Variants in MPP7 observed in about 807,000 individuals in gnomAD.
MPP7 encodes the protein MAGUK p55 scaffold protein 7.
A neutral mutation model predicts 76.5 loss-of-function variants in MPP7; 60 were observed. That is an observed-to-expected ratio of 0.78 (90% CI 0.64 to 0.97). The LOEUF is 0.97. Among genes scored for constraint, MPP7 ranks in the 50% least tolerant of loss-of-function variants. The probability of loss-of-function intolerance (pLI) is 0.00; values close to 1 mark genes in which losing one functional copy is unlikely to be tolerated. For synonymous variants in MPP7, 237 were observed against 244.5 expected (o/e 0.97, Z 0.29); for missense variants, 641 against 694.0 (o/e 0.92, Z 0.86).
chr10:28,189,920 T>C (rs997939681), intron 3 of MPP7, among the ~76,000 whole-genome samples: 1 of 152,094 alleles, frequency 6.6e-6, no homozygotes, highest in East Asian at 1.9e-4. Flanking sequence ...CTCCCAACTA[T>C]ATGTTGTCTA....
chr10:28,116,381 A>G (rs1834663843), intron 11 of MPP7, among the ~76,000 whole-genome samples: 1 of 152,184 alleles, frequency 6.6e-6, no homozygotes, highest in East Asian at 1.9e-4. Context: ...GACACAAGAA[A>G]TGCAAGCTGC....
chr10:28,195,168 A>T (rs1000396353), intron 3 of MPP7, among the ~76,000 whole-genome samples: 1 of 152,242 alleles, frequency 6.6e-6, no homozygotes, highest in African/African-American at 2.4e-5. Context: ...ACATCTAGAA[A>T]ATGCAAATCA....
At chr10:28,230,154 A>G (rs573868523) in intron 2 of MPP7, among the ~76,000 whole-genome samples, 3 of 152,286 alleles carry the variant, frequency 2.0e-5, no homozygotes, top group African/African-American at 7.2e-5. Flanking sequence ...ACATCAAGAC[A>G]TAGGGGAAAA....
At chr10:28,086,181 T>G (rs56248031) in intron 12 of MPP7, among the ~76,000 whole-genome samples, 15,539 of 152,134 alleles carry the variant, frequency 0.1, 1,532 homozygotes, top group East Asian at 0.5. Context: ...AAATACCTAA[T>G]ACATGCAGGG....
At chr10:28,268,541 G>A (rs954803113) in intron 1 of MPP7, among the ~76,000 whole-genome samples, 3 of 152,126 alleles carry the variant, frequency 2.0e-5, no homozygotes, top group Admixed American at 6.6e-5. Flanking sequence ...AGACCAGCCT[G>A]GTCAACATGG....
chr10:28,120,245 G>C lies in MPP7; in HGVS notation c.836C>G (p.Ala279Gly). 2.5e-6 allele frequency: 4 copies of C among 1,613,988 alleles called. No homozygotes were observed. Among genetic ancestry groups the C allele is most frequent in the Non-Finnish European group, 3.4e-6 (4 of 1,179,920 alleles). ...DATWWQAKHEADANPRAGLIP... is the reference protein window; with the variant it reads ...DATWWQAKHEGDANPRAGLIP... ...CAAGCCTGCCCTGGGGTTGGCATCA[G>C]CTTCGTGTTTCGCTTGCCACCAAGT... is the stretch of plus-strand genomic sequence containing the variant. The change falls in exon 10 of 17, where the codon GCT becomes GGT. Residue 279 changes from alanine to glycine, a missense_variant. Transcript: ENST00000683449.
intron 3 of MPP7, among the ~76,000 whole-genome samples, chr10:28,178,283 C>T (rs556905649): frequency 6.6e-6 from 1 of 151,928 alleles, no homozygotes; most frequent in Non-Finnish European, 1.5e-5. Flanking sequence ...CCAACTCAGT[C>T]GAAAACCACT....
upstream of MPP7, chr10:28,307,806 C>T (rs1436186391): frequency 1.3e-5 from 2 of 152,230 alleles, no homozygotes; most frequent in African/African-American, 4.8e-5. Flanking sequence ...GGATCCTTCT[C>T]TCTATCCCCC....
chr10:28,124,657 G>C (rs1435012341), intron 7 of MPP7, among the ~76,000 whole-genome samples: 1 of 127,932 alleles, frequency 7.8e-6, no homozygotes, highest in African/African-American at 3.1e-5. Context: ...TTTTTTTTTT[G>C]TATTTTTAGT....
intron 10 of MPP7, 56 bp from the exon 11 acceptor site, chr10:28,119,771 T>C (rs1377710226): frequency 8.9e-6 from 12 of 1,349,114 alleles, no homozygotes; most frequent in African/African-American, 4.4e-5. Flanking sequence ...CCGAGGTGAA[T>C]ACAATATCAA....
At chr10:28,131,386 G>C (rs112768068) in intron 6 of MPP7, among the ~76,000 whole-genome samples, 174 bp downstream of exon 6, 17 of 152,230 alleles carry the variant, frequency 1.1e-4, no homozygotes, top group African/African-American at 3.9e-4. Context: ...CCAATAAAAT[G>C]TCTATTAACC....
intron 2 of MPP7, among the ~76,000 whole-genome samples, chr10:28,235,859 G>A (rs917655273): frequency 9.2e-5 from 14 of 152,150 alleles, no homozygotes; most frequent in Admixed American, 8.5e-4. Flanking sequence ...AAGAAATGAT[G>A]TTCAACCTAT....
At chr10:28,310,442 C>T (rs191341832) in intron 2 of MPP7, among the ~76,000 whole-genome samples, 121 of 152,262 alleles carry the variant, frequency 7.9e-4, no homozygotes, top group African/African-American at 2.7e-3. Flanking sequence ...CCTCCTGTTG[C>T]GCTGTCACAC....
At chr10:28,177,397 G>T (rs1485174015) in intron 3 of MPP7, among the ~76,000 whole-genome samples, 4 of 149,958 alleles carry the variant, frequency 2.7e-5, no homozygotes, top group Non-Finnish European at 5.9e-5. Flanking sequence ...AACGCAGTGA[G>T]ACTCCATTTC....
intron 1 of MPP7, among the ~76,000 whole-genome samples, chr10:28,271,346 A>C (rs186387385): frequency 3.0e-4 from 45 of 152,350 alleles, no homozygotes; most frequent in Middle Eastern, 3.4e-3. Flanking sequence ...TTTTTGGAGT[A>C]TTAGCCATTG....
chr10:28,228,824 C>T (rs921519195), intron 2 of MPP7, among the ~76,000 whole-genome samples: 6 of 151,894 alleles, frequency 4.0e-5, no homozygotes, highest in Non-Finnish European at 8.8e-5. Flanking sequence ...AAATCATCAT[C>T]ATCATTGAAA....
intron 3 of MPP7, among the ~76,000 whole-genome samples, chr10:28,190,979 G>A (rs555185342): frequency 2.6e-5 from 4 of 152,098 alleles, no homozygotes; most frequent in African/African-American, 9.6e-5. Flanking sequence ...GACAATAAAA[G>A]GACAATAAAG....
At chr10:28,116,100 T>C (rs150820805) in intron 11 of MPP7, among the ~76,000 whole-genome samples, 34 of 152,262 alleles carry the variant, frequency 2.2e-4, no homozygotes, top group African/African-American at 8.2e-4. Flanking sequence ...TGTTGTAAAA[T>C]ACACTACCTG....
In MPP7 at chr10:28,135,519, T is replaced by C. The variant is rs1472360023; in HGVS notation, c.316-3828A>G. ...GGATGCTCCTAAACATTTGGTCATA[T>C]ACAGGGCAGTCCCCTAAACTCCAGA... On this transcript the variant is annotated intron_variant, in intron 5 of 16. Coordinates refer to ENST00000683449, the MANE Select transcript of MPP7 (RefSeq NM_001318170.2). Among the ~76,000 whole-genome samples, 9 of 152,204 alleles carry C rather than the reference T, an allele frequency of 5.9e-5. 1 individual carries two copies. In the South Asian group the frequency reaches 1.9e-3, roughly 32 times the overall value.
Sources: allele counts gnomAD v4.1 joint callset (sites outside exome capture counted in the v4.1 genomes callset), GRCh38; gene constraint gnomAD v4.1.1; transcripts MANE v1.5; gene names NCBI Gene and HGNC (gene_info 2026-07-23, HGNC 2026-07-21).